Variants in SERINC2 observed in about 807,000 individuals in gnomAD.
SERINC2 encodes serine incorporator 2, also known as tumor differentially expressed protein 2.
A neutral mutation model predicts 54.2 loss-of-function variants in SERINC2; 56 were observed. The observed-to-expected ratio is 1.03, with a 90% CI of 0.83 to 1.29. The LOEUF is 1.29. SERINC2 is among the 50% of genes most tolerant of loss of function. The pLI, the probability that SERINC2 is intolerant of heterozygous loss-of-function variation, is 0.00. For missense variants in SERINC2, 614 were observed against 607.4 expected (o/e 1.01, Z -0.12); for synonymous variants, 272 against 253.1 (o/e 1.07, Z -0.71).
At position 31,414,062 on chromosome 1, in the gene SERINC2, CG is replaced by C. The variant is rs782683010; in HGVS notation, c.39+761del. 6.0e-6 allele frequency: 9 copies of C among 1,499,580 alleles called. No homozygotes were observed. The South Asian group carries it at 6.4e-5, about 11-fold the overall frequency. The allele number at this position is 1,499,580 out of a possible 1,614,324, so 92.9% of individuals were successfully genotyped here. ...CTTTCTTAGCTGCCCTCGAGTGAGG[CG>C]GGTGCGGGTCGTCACGGACCACCGG... On this transcript the variant is annotated intron_variant, in intron 1 of 9. Coordinates refer to ENST00000373709, the MANE Select transcript of SERINC2 (RefSeq NM_178865.5).
rs781924539 is a variant in SERINC2, at chr1:31,423,839, G to C, written c.186G>C (p.Glu62Asp). ...VSIIMLSPGV[E>D]SQLYKLPWVC... ...TCATTATGCTGAGCCCGGGCGTGGA[G>C]AGTCAGCTCTACAAGGTGAGTGCCC... is the stretch of plus-strand genomic sequence containing the variant. The change falls in exon 2 of 10, where the codon GAG becomes GAC. Residue 62 changes from glutamate to aspartate, a missense_variant. Transcript: ENST00000373709. The C allele has an allele frequency of 1.5e-5, 24 of 1,614,022 alleles. No individual in the cohort carries two copies. Among genetic ancestry groups the C allele is most frequent in the Non-Finnish European group, 1.9e-5 (22 of 1,180,016 alleles).
chr1:31,432,020 A>ATAGGGTGGT (rs1641260449), intron 8 of SERINC2, among the ~76,000 whole-genome samples: 5 of 112,484 alleles, frequency 4.4e-5, no homozygotes, highest in African/African-American at 8.5e-5. Flanking sequence ...GATAGGGTGG[A>ATAGGGTGGT]CAGGGTGGAC....
intron 8 of SERINC2, among the ~76,000 whole-genome samples, chr1:31,432,192 T>TGGAG (rs1641311681): frequency 1.2e-5 from 1 of 81,390 alleles, no homozygotes; most frequent in Non-Finnish European, 3.0e-5. Flanking sequence ...ATAGGGTGGT[T>TGGAG]AGAGTGGAGA....
Position 31,426,753 on chromosome 1 carries a change from A to C in SERINC2, c.710A>C (p.Lys237Thr). The C allele has an allele frequency of 6.2e-7, 1 of 1,614,162 alleles. No individual in the cohort carries two copies. The highest frequency in any genetic ancestry group is 8.5e-7 in the Non-Finnish European group (1 of 1,180,026). The change falls in exon 6 of 10, where the codon AAG (lysine) becomes ACG (threonine). Residue 237 changes from lysine to threonine, a missense_variant. Lys to Thr is a moderately conservative substitution (Grantham distance 78, BLOSUM62 -1). Coordinates refer to ENST00000373709, the MANE Select transcript of SERINC2 (RefSeq NM_178865.5). ...GAGCCCAGCGGCTGCCACGAGGGCA[A>C]GGTCTTCATCAGCCTCAACCTCACC... ...YTEPSGCHEGKVFISLNLTFC... is the reference protein window; with the variant it reads ...YTEPSGCHEGTVFISLNLTFC...
rs370396108 is a variant in SERINC2 at position 31,433,197 on chromosome 1, G to A, written c.1232+12G>A. 142 of 1,610,812 alleles carry A rather than the reference G, an allele frequency of 8.8e-5. No individual in the cohort carries two copies. The highest frequency in any genetic ancestry group is 1.2e-4 in the Non-Finnish European group (139 of 1,177,846). ...ACCAACTGGTACAAGTGCGTAGCTGGTGGGGCATGGACAGAGCCCGGAGGT... is the reference window on the plus strand; with the variant it reads ...ACCAACTGGTACAAGTGCGTAGCTGATGGGGCATGGACAGAGCCCGGAGGT... On this transcript the variant is annotated intron_variant, in intron 9 of 9. Transcript: ENST00000373709.
At chr1:31,413,062 C>G (rs1640679887), upstream of SERINC2, 2 of 816,702 alleles carry the variant, frequency 2.4e-6, no homozygotes, top group Non-Finnish European at 3.0e-6. This position sits in a 1 kb window ranked among gnomAD's most constrained non-coding sequence, Gnocchi z 5.0. Flanking sequence ...CCGACCGGCC[C>G]CTTCCCTAGG....
Position 31,413,895 on chromosome 1 carries a change from G to A in SERINC2, c.39+591G>A. 6.9e-7 allele frequency: 1 copy of A among 1,445,916 alleles called. No individual in the cohort carries two copies. Among genetic ancestry groups the A allele is most frequent in the Non-Finnish European group, 9.0e-7 (1 of 1,107,074 alleles). The allele number at this position is 1,445,916 out of a possible 1,614,324, so 89.6% of individuals were successfully genotyped here. On this transcript the variant is annotated intron_variant, in intron 1 of 9. Transcript: ENST00000373709. This position sits in a 1 kb window ranked among gnomAD's most constrained non-coding sequence, Gnocchi z 5.0. ...CTGTCTTCTGTCCGTCTGCCCGTCC[G>A]CCCGTCCGTCCCTCAGTCTCTCTGC...
intron 8 of SERINC2, among the ~76,000 whole-genome samples, chr1:31,432,613 G>C (rs1032592075): frequency 6.6e-6 from 1 of 152,234 alleles, no homozygotes; most frequent in South Asian, 2.1e-4. Flanking sequence ...AATGGCAAAG[G>C]AACAATCCTA....
chr1:31,432,831 G>A, intron 8 of SERINC2, 136 bp from the exon 9 acceptor site: 1 of 655,448 alleles, frequency 1.5e-6, no homozygotes, highest in Non-Finnish European at 2.7e-6. Context: ...GGGTAGAGTT[G>A]AGAGGCAAAG....
At chr1:31,431,782 G>GTGGATAGGGTGGATAGGA (rs1641217494) in intron 8 of SERINC2, among the ~76,000 whole-genome samples, 1 of 137,804 alleles carries the variant, frequency 7.3e-6, no homozygotes, top group African/African-American at 2.8e-5. Context: ...GGTGAATAGG[G>GTGGATAGGGTGGATAGGA]TGGATAGGGT....
intron 1 of SERINC2, chr1:31,414,678 G>T (rs1400846119): frequency 4.1e-6 from 4 of 985,352 alleles, no homozygotes; most frequent in Non-Finnish European, 4.8e-6. Context: ...CCAGCCCAAA[G>T]AATTCAAGGT....
intron 6 of SERINC2, among the ~76,000 whole-genome samples, chr1:31,428,572 C>T (rs1370187641): frequency 1.3e-5 from 2 of 151,928 alleles, no homozygotes; most frequent in East Asian, 1.9e-4. Context: ...ACTGAAGAGG[C>T]GCTGCCTGTG....
intron 8 of SERINC2, among the ~76,000 whole-genome samples, chr1:31,430,527 A>G (rs1276679311): frequency 6.6e-6 from 1 of 152,064 alleles, no homozygotes; most frequent in East Asian, 1.9e-4. Context: ...GTAATTAGTC[A>G]GGCATGGTGG....
chr1:31,431,814 C>CAGGGTGGATAGGGTGGATAGGGTGGAT lies in SERINC2; in HGVS notation c.1014-1117_1014-1091dup, dbSNP rs1557499900. ...GGGTGGATAGGGTGGACAGGGTGGACAGGGTGGATAGGGTGGATAGGGTGG... is the reference window on the plus strand; with the variant it reads ...GGGTGGATAGGGTGGACAGGGTGGACAGGGTGGATAGGGTGGATAGGGTGGATAGGGTGGATAGGGTGGATAGGGTGG... On this transcript the variant is annotated intron_variant, in intron 8 of 9. Transcript: ENST00000373709. 7.3e-4 allele frequency among the ~76,000 whole-genome samples: 25 copies of CAGGGTGGATAGGGTGGATAGGGTGGAT among 34,080 alleles called. 3 individuals are homozygous for CAGGGTGGATAGGGTGGATAGGGTGGAT. The highest frequency in any genetic ancestry group is 1.0e-3 in the African/African-American group (13 of 12,488). 22.4% of individuals were successfully genotyped at this position (34,080 alleles called of 152,430 possible). A position where few individuals can be genotyped will look rare whatever the true frequency, so the allele number is the denominator to read the frequency against.
chr1:31,429,637 C>T (rs565584871), intron 8 of SERINC2, 99 bp downstream of exon 8: 21 of 1,293,552 alleles, frequency 1.6e-5, no homozygotes, highest in East Asian at 2.4e-5. Context: ...CTGGAACGTG[C>T]TCTTCACATT....
At chr1:31,431,714 C>G (rs1301957537) in intron 8 of SERINC2, among the ~76,000 whole-genome samples, 2 of 148,722 alleles carry the variant, frequency 1.3e-5, no homozygotes, top group African/African-American at 2.4e-5. Context: ...CCAATCTGGG[C>G]TCCCATGCAT....
intron 1 of SERINC2, among the ~76,000 whole-genome samples, chr1:31,422,961 G>A (rs1484331875): frequency 6.6e-6 from 1 of 152,202 alleles, no homozygotes; most frequent in African/African-American, 2.4e-5. Context: ...AAATCATTCC[G>A]TTTATCCAAC....
intron 6 of SERINC2, among the ~76,000 whole-genome samples, chr1:31,428,381 G>T (rs1553133906): frequency 6.6e-6 from 1 of 152,166 alleles, no homozygotes; most frequent in Non-Finnish European, 1.5e-5. Context: ...ATGTTTTTAT[G>T]TGCATGTGTG....
chr1:31,425,656 T>A, intron 4 of SERINC2, 120 bp from the exon 5 acceptor site: 1 of 1,284,218 alleles, frequency 7.8e-7, no homozygotes, highest in Non-Finnish European at 1.1e-6. Flanking sequence ...AGGGGCTCCC[T>A]GAGGGCAGGG....
Sources: gnomAD v4.1 joint callset for allele counts (sites outside exome capture counted in the v4.1 genomes callset) on GRCh38, gnomAD v4.1.1 for gene constraint, Gnocchi (gnomAD v3.1) non-coding constraint, MANE v1.5 for transcripts, NCBI Gene and HGNC (gene_info 2026-07-23, HGNC 2026-07-21) for gene names.